NRXN2: variants seen among roughly 807,000 people sequenced by gnomAD.
NRXN2 encodes neurexin-2-beta.
NRXN2 carries 29 observed loss-of-function variants against 128.8 expected under a neutral mutation model. The observed-to-expected ratio is 0.23, with a 90% CI of 0.17 to 0.31. The LOEUF is 0.31. NRXN2 is among the 10% of genes least tolerant of loss of function. The pLI, the probability that NRXN2 is intolerant of heterozygous loss-of-function variation, is 1.00. For synonymous variants in NRXN2, 1,098 were observed against 1,075.2 expected (o/e 1.02, Z -0.41); for missense variants, 1,881 against 2,452.6 (o/e 0.77, Z 4.92).
Position 64,661,102 on chromosome 11 carries a change from C to A in NRXN2, c.1836G>T (p.Leu612Phe). Residue 612 changes from leucine (L) to phenylalanine (F), a missense_variant, in exon 10 of 23, where the codon TTG becomes TTT. By Grantham distance (22) the Leu-to-Phe change is conservative. Coordinates refer to ENST00000265459, the MANE Select transcript of NRXN2 (RefSeq NM_015080.4). ...ISVNSRSTPF[L>F]ATGDSEILDL... ...CCAGAATCTCGCTGTCTCCAGTGGC[C>A]AAGAACGGCGTGCTGCGACTATTCA... 6.2e-7 allele frequency: 1 copy of A among 1,613,572 alleles called. No homozygotes were observed. Among genetic ancestry groups the A allele is most frequent in the Non-Finnish European group, 8.5e-7 (1 of 1,180,012 alleles).
Position 64,648,822 on chromosome 11 carries a change from G to A in NRXN2, c.3195C>T (p.Cys1065=). ...GTCCGTTGAGGTCCACTGAGGCCAGGCAGCCCTGAAAGCCATCCCGGGAGG... is the reference window on the plus strand; with the variant it reads ...GTCCGTTGAGGTCCACTGAGGCCAGACAGCCCTGAAAGCCATCCCGGGAGG... The part of the protein sequence containing the change: ...LVASRDGFQG[C]LASVDLNGRL... Residue 1065 remains cysteine, a synonymous_variant, in exon 16 of 23, where the codon TGC becomes TGT. Coordinates refer to ENST00000265459, the MANE Select transcript of NRXN2 (RefSeq NM_015080.4). The surrounding 1 kb of genome is among the most constrained non-coding windows in gnomAD (Gnocchi z 4.1). 6.2e-7 allele frequency: 1 copy of A among 1,614,184 alleles called. No homozygotes were observed. The highest frequency in any genetic ancestry group is 1.1e-5 in the South Asian group (1 of 91,080).
rs533987716 is a variant in NRXN2 at position 64,651,765 on chromosome 11, G to A, written c.2537-129C>T. On this transcript the variant is annotated intron_variant, in intron 13 of 22. Coordinates refer to ENST00000265459, the MANE Select transcript of NRXN2 (RefSeq NM_015080.4). This position sits in a 1 kb window ranked among gnomAD's most constrained non-coding sequence, Gnocchi z 5.9. ...CATCTTTAGAGATGTCCTCGGCTAGGCACTAGCAGCCAGCACAGCTCCAAG... is the reference window on the plus strand; with the variant it reads ...CATCTTTAGAGATGTCCTCGGCTAGACACTAGCAGCCAGCACAGCTCCAAG... The A allele has an allele frequency of 1.5e-5, 16 of 1,089,180 alleles. No homozygotes were observed. The highest frequency in any genetic ancestry group is 4.2e-5 in the South Asian group (3 of 70,628). 67.5% of individuals were successfully genotyped at this position (1,089,180 alleles called of 1,614,324 possible). A position where few individuals can be genotyped will look rare whatever the true frequency, so the allele number is the denominator to read the frequency against.
Position 64,650,604 on chromosome 11 carries a change from G to A in NRXN2, c.2953C>T (p.Pro985Ser), listed in dbSNP as rs1434841105. The change falls in exon 15 of 23, where the codon CCG (proline) becomes TCG (serine). Residue 985 changes from proline to serine, a missense_variant. Physicochemically the swap from Pro to Ser is moderately conservative, Grantham distance 74. Coordinates refer to ENST00000265459, the MANE Select transcript of NRXN2 (RefSeq NM_015080.4). ...IHYVFDLGNGPSLMKGNSDKP... is the reference protein window; with the variant it reads ...IHYVFDLGNGSSLMKGNSDKP... The stretch of plus-strand genomic sequence containing the variant: ...TCTGAGTTCCCCTTCATCAAGGACG[G>A]GCCATTCCCCAGGTCAAACACGTAG... 3.1e-6 allele frequency: 5 copies of A among 1,614,048 alleles called. No individual in the cohort carries two copies. The highest frequency in any genetic ancestry group is 4.2e-6 in the Non-Finnish European group (5 of 1,180,058).
rs756145211 is a variant in NRXN2, at chr11:64,685,936, ACTC to A, written c.859_861del (p.Glu287del). ...TCATTGCCTTTGAAGGTCGCCACAA[ACTC>A]CTCCTTGCCTGGATGCCGTGGTGTG... On this transcript the variant is annotated inframe_deletion, in exon 6 of 23. Coordinates refer to ENST00000265459, the MANE Select transcript of NRXN2 (RefSeq NM_015080.4). 8 of 1,613,770 alleles carry A rather than the reference ACTC, an allele frequency of 5.0e-6. No individual in the cohort carries two copies. The South Asian group carries it at 8.8e-5, about 18-fold the overall frequency.
At chr11:64,688,715 G>C in intron 5 of NRXN2, 1 of 985,396 alleles carries the variant, frequency 1.0e-6, no homozygotes, top group Non-Finnish European at 1.2e-6. Context: ...CAGTTGGGGA[G>C]TCTGTAGCCC....
chr11:64,707,863 G>A (rs2056499530), intron 2 of NRXN2, among the ~76,000 whole-genome samples: 1 of 152,144 alleles, frequency 6.6e-6, no homozygotes, highest in East Asian at 1.9e-4. Context: ...GGAGGCCAAG[G>A]CAGGCGGATC....
intron 2 of NRXN2, among the ~76,000 whole-genome samples, chr11:64,704,134 G>A (rs1473553103): frequency 6.6e-6 from 1 of 152,108 alleles, no homozygotes. Flanking sequence ...ACAGGTACTG[G>A]ATGTTAGAGC....
intron 6 of NRXN2, among the ~76,000 whole-genome samples, chr11:64,681,181 G>A (rs2052219666): frequency 6.6e-6 from 1 of 150,768 alleles, no homozygotes; most frequent in Non-Finnish European, 1.5e-5. Context: ...AAGTAGTTCA[G>A]TGCTCACATG....
At chr11:64,643,345 G>C in intron 17 of NRXN2, 1 of 927,312 alleles carries the variant, frequency 1.1e-6, no homozygotes, top group Non-Finnish European at 1.3e-6. Flanking sequence ...CGGGGGAAAG[G>C]AGGGAGCGGC....
chr11:64,613,257 T>G (rs2040953890), intron 22 of NRXN2, among the ~76,000 whole-genome samples: 1 of 152,216 alleles, frequency 6.6e-6, no homozygotes, highest in Non-Finnish European at 1.5e-5. Flanking sequence ...TGTCAGTGAG[T>G]GGACCTCTGG....
intron 6 of NRXN2, among the ~76,000 whole-genome samples, chr11:64,684,254 AC>A (rs1380551446): frequency 2.0e-5 from 3 of 151,892 alleles, no homozygotes; most frequent in East Asian, 1.9e-4. Context: ...ACTCCTCTAT[AC>A]CCCCCAATAA....
Position 64,653,682 on chromosome 11 carries a change from G to A in NRXN2, c.2416+14C>T, listed in dbSNP as rs2047818622. 6.3e-7 allele frequency: 1 copy of A among 1,594,762 alleles called. No homozygotes were observed. The highest frequency in any genetic ancestry group is 2.3e-5 in the East Asian group (1 of 44,266). ...CCCCTTGGGTCTCTGCAGAAGAAGA[G>A]GGAAGCCACTTACTGGGTGCGCAGC... On this transcript the variant is annotated intron_variant, in intron 12 of 22. Coordinates refer to ENST00000265459, the MANE Select transcript of NRXN2 (RefSeq NM_015080.4).
chr11:64,692,978 CAG>C, intron 3 of NRXN2, 102 bp from the exon 4 acceptor site: 1 of 1,034,126 alleles, frequency 9.7e-7, no homozygotes, highest in Non-Finnish European at 1.5e-6. Context: ...CAAAATCAGC[CAG>C]AGAGAAGGGA....
chr11:64,612,603 G>A (rs926434345), intron 22 of NRXN2, among the ~76,000 whole-genome samples: 7 of 152,238 alleles, frequency 4.6e-5, no homozygotes, highest in African/African-American at 7.2e-5. Context: ...TTCCTCTGGG[G>A]ACTGCTGGCC....
chr11:64,704,989 G>T (rs569984122), intron 2 of NRXN2, among the ~76,000 whole-genome samples: 1 of 152,290 alleles, frequency 6.6e-6, no homozygotes, highest in Non-Finnish European at 1.5e-5. Context: ...ATAATGCCCT[G>T]CTCTCTGGGA....
At position 64,607,461 on chromosome 11, in the gene NRXN2, G is replaced by A. The variant is rs1591423873; in HGVS notation, c.4874C>T (p.Ala1625Val). ...TGPGERGPPG[A>V]VEVIRESSST... ...GCTGGACTCCCGGATCACCTCCACT[G>A]CGCCCGGCGGGCCCCGCTCCCCAGG... Residue 1625 changes from alanine to valine, a missense_variant, in exon 23 of 23, where the codon GCA (alanine) becomes GTA (valine). Ala to Val is a moderately conservative substitution (Grantham distance 64). Transcript: ENST00000265459. The A allele has an allele frequency of 6.2e-7, 1 of 1,609,622 alleles. No individual in the cohort carries two copies. Among genetic ancestry groups the A allele is most frequent in the Non-Finnish European group, 8.5e-7 (1 of 1,179,168 alleles).
chr11:64,631,088 C>T lies in NRXN2; in HGVS notation c.3586-515G>A, dbSNP rs900437789. On this transcript the variant is annotated intron_variant, in intron 18 of 22. Transcript: ENST00000265459. This position sits in a 1 kb window ranked among gnomAD's most constrained non-coding sequence, Gnocchi z 4.8. Reference sequence around the variant, plus strand: ...ACCAAGCAGGCCCCCAGGGGGCTTCCACCCACACCAGGGCATTAGCATGCC... The same window carrying T: ...ACCAAGCAGGCCCCCAGGGGGCTTCTACCCACACCAGGGCATTAGCATGCC... Among the ~76,000 whole-genome samples the T allele has an allele frequency of 9.2e-5, 14 of 152,342 alleles. No individual in the cohort carries two copies. The highest frequency in any genetic ancestry group is 2.6e-4 in the African/African-American group (11 of 41,572).
intron 2 of NRXN2, among the ~76,000 whole-genome samples, chr11:64,708,980 C>T (rs568879921): frequency 2.0e-5 from 3 of 152,072 alleles, no homozygotes; most frequent in Admixed American, 2.0e-4. Flanking sequence ...TCACTTGAGG[C>T]CGGGAGTTCG....
Position 64,622,601 on chromosome 11 carries a change from T to G in NRXN2, c.4173+152A>C. The G allele has an allele frequency of 3.5e-6, 4 of 1,139,272 alleles. No homozygotes were observed. Among genetic ancestry groups the G allele is most frequent in the Non-Finnish European group, 3.7e-6 (3 of 801,956 alleles). 70.6% of individuals were successfully genotyped at this position (1,139,272 alleles called of 1,614,324 possible). A position where few individuals can be genotyped will look rare whatever the true frequency, so the allele number is the denominator to read the frequency against. ...ACTTCCTGAAAGGTGACCTTGCCCA[T>G]CGCCATGGCAACAAAGTCAGCGACA... On this transcript the variant is annotated intron_variant, in intron 21 of 22. Coordinates refer to ENST00000265459, the MANE Select transcript of NRXN2 (RefSeq NM_015080.4). This position sits in a 1 kb window ranked among gnomAD's most constrained non-coding sequence, Gnocchi z 4.3.
Sources: gnomAD v4.1 joint callset for allele counts (sites outside exome capture counted in the v4.1 genomes callset) on GRCh38, gnomAD v4.1.1 for gene constraint, Gnocchi (gnomAD v3.1) non-coding constraint, MANE v1.5 for transcripts, NCBI Gene and HGNC (gene_info 2026-07-23, HGNC 2026-07-21) for gene names.